Variants in CFAP47 observed in about 807,000 individuals in gnomAD.
The protein encoded by CFAP47 is cilia and flagella associated protein 47.
A neutral mutation model predicts 148.1 loss-of-function variants in CFAP47; 29 were observed. That is an observed-to-expected ratio of 0.20 (90% CI 0.15 to 0.27). The LOEUF (loss-of-function observed/expected upper bound fraction) is 0.27, where lower values mean the gene tolerates loss of function less well. Ranked by LOEUF, CFAP47 falls within the 10% of genes least tolerant of loss-of-function variation. The probability of loss-of-function intolerance (pLI) is 1.00; values close to 1 mark genes in which losing one functional copy is unlikely to be tolerated. For synonymous variants in CFAP47, 664 were observed against 577.3 expected, an observed-to-expected ratio of 1.15 and a Z score of -2.15; for missense variants, 1,872 against 1,697.5, an observed-to-expected ratio of 1.10 and a Z score of -1.81.
chrX:36,199,933 TA>T (rs1435956043), intron 42 of CFAP47, among the ~76,000 whole-genome samples: 1 of 111,745 alleles, frequency 8.9e-6, no homozygotes, highest in African/African-American at 3.2e-5. Flanking sequence ...TTATTTTTTC[TA>T]AAAAAAATTT....
At chrX:35,961,720 T>G (rs1254684538) in intron 8 of CFAP47, among the ~76,000 whole-genome samples, 2 of 111,276 alleles carry the variant, frequency 1.8e-5, no homozygotes, top group Non-Finnish European at 3.8e-5. Flanking sequence ...TTTTTTTGCT[T>G]ATTAAGTCTA....
intron 39 of CFAP47, among the ~76,000 whole-genome samples, chrX:36,175,966 G>A (rs1180420900): frequency 1.8e-5 from 2 of 112,647 alleles, no homozygotes; most frequent in Admixed American, 9.3e-5. Context: ...CGTGGGCGTA[G>A]GACCCTCCGA....
intron 19 of CFAP47, among the ~76,000 whole-genome samples, chrX:35,999,511 C>T (rs769120051): frequency 1.1e-4 from 12 of 111,760 alleles, no homozygotes; most frequent in Non-Finnish European, 1.7e-4. Flanking sequence ...AAATGAATCA[C>T]GCTAAGGTCC....
In CFAP47 at chrX:35,947,614, C is replaced by A. The variant is rs568003680; in HGVS notation, c.518-700C>A. ...ATGAGCAAATGTGGAGCAGAGTCAC[C>A]CAGCTGACCCACAGACCTGCAGTGA... On this transcript the variant is annotated intron_variant, in intron 3 of 63. Coordinates refer to ENST00000378653, the MANE Select transcript of CFAP47 (RefSeq NM_001304548.2). 6.7e-4 allele frequency among the ~76,000 whole-genome samples: 72 copies of A among 107,036 alleles called. No homozygotes were observed. In the South Asian group the frequency reaches 0.028, roughly 41 times the overall value. The allele number at this position is 107,036 out of a possible 115,157, so 92.9% of individuals were successfully genotyped here. A position where few individuals can be genotyped will look rare whatever the true frequency, so the allele number is the denominator to read the frequency against.
In CFAP47 at chrX:36,361,456, T is replaced by C. The variant is rs1556019226; in HGVS notation, c.8978T>C (p.Ile2993Thr). 1 of 1,089,823 alleles carries C rather than the reference T, an allele frequency of 9.2e-7. No homozygotes were observed. Among genetic ancestry groups the C allele is most frequent in the Admixed American group, 2.8e-5 (1 of 35,892 alleles). The allele number at this position is 1,089,823 out of a possible 1,213,427, so 89.8% of individuals were successfully genotyped here. Residue 2993 changes from isoleucine to threonine, a missense_variant, in exon 61 of 64, where the codon ATA (isoleucine) becomes ACA (threonine). By Grantham distance (89) the Ile-to-Thr change is moderately conservative. Coordinates refer to ENST00000378653, the MANE Select transcript of CFAP47 (RefSeq NM_001304548.2). Reference sequence around the variant, plus strand: ...TCTTATGATATTATGGCTAAAAGGATAACATTTATCTTCAATCTGGTATTC... The same window carrying C: ...TCTTATGATATTATGGCTAAAAGGACAACATTTATCTTCAATCTGGTATTC... The part of the protein sequence containing the change: ...EKSYDIMAKR[I>T]TFIFNLVFTP...
At chrX:36,062,602 T>A (rs1457712003) in intron 26 of CFAP47, among the ~76,000 whole-genome samples, 3 of 111,480 alleles carry the variant, frequency 2.7e-5, no homozygotes, top group Non-Finnish European at 5.7e-5. Flanking sequence ...GATGTACACA[T>A]GGTCTCCACA....
At position 36,037,023 on chromosome X, in the gene CFAP47, T is replaced by C. The variant is rs1237772391; in HGVS notation, c.3811+1169T>C. On this transcript the variant is annotated intron_variant, in intron 24 of 63. Transcript: ENST00000378653. ...TGAAAATATGATAGAAAATACCAAC[T>C]ATTCTTTGCATTCTGAAATTTGTTT... Among the ~76,000 whole-genome samples the C allele has an allele frequency of 2.7e-5, 3 of 112,376 alleles. No homozygotes were observed. The East Asian group carries it at 8.4e-4, about 31-fold the overall frequency.
At chrX:36,277,350 G>A (rs116156423) in intron 49 of CFAP47, among the ~76,000 whole-genome samples, 2,043 of 111,613 alleles carry the variant, frequency 0.018, 40 homozygotes, top group African/African-American at 0.062. Context: ...TAAATGTTAT[G>A]TCTTACAAGT....
intron 2 of CFAP47, among the ~76,000 whole-genome samples, chrX:35,940,065 A>C (rs1250035489): frequency 9.0e-6 from 1 of 110,832 alleles, no homozygotes; most frequent in Non-Finnish European, 1.9e-5. Context: ...GCATTTTTTC[A>C]TGTGTTTTTT....
chrX:36,152,986 C>A (rs1189504386), intron 37 of CFAP47, among the ~76,000 whole-genome samples: 1 of 111,036 alleles, frequency 9.0e-6, no homozygotes, highest in Non-Finnish European at 1.9e-5. Context: ...CCCCCAAAAT[C>A]TTAGCTCACT....
intron 35 of CFAP47, among the ~76,000 whole-genome samples, chrX:36,141,786 C>A (rs1939145923): frequency 9.4e-6 from 1 of 106,843 alleles, no homozygotes; most frequent in South Asian, 3.9e-4. Context: ...TTTGCTCAGC[C>A]ATTCTTGACC....
intron 33 of CFAP47, 91 bp downstream of exon 33, chrX:36,104,782 C>T: frequency 2.7e-6 from 1 of 367,923 alleles, no homozygotes; most frequent in East Asian, 4.3e-5. Flanking sequence ...AACTCAGAAT[C>T]CATGGATTCT....
chrX:36,042,470 C>G (rs1937417395), intron 25 of CFAP47, among the ~76,000 whole-genome samples: 1 of 110,645 alleles, frequency 9.0e-6, no homozygotes, highest in Non-Finnish European at 1.9e-5. Flanking sequence ...AACTTAAATA[C>G]TTAAAATTCA....
At chrX:35,923,840 TATATATGTGTGTATATATATATGTAC>T (rs2146607797) in intron 1 of CFAP47, among the ~76,000 whole-genome samples, 1 of 102,068 alleles carries the variant, frequency 9.8e-6, no homozygotes, top group South Asian at 4.3e-4. Context: ...TGTATATATA[TATATATGTGTGTATATATATATGTAC>T]ATATATGTAT....
intron 18 of CFAP47, among the ~76,000 whole-genome samples, chrX:35,994,547 A>G (rs1253599580): frequency 9.0e-6 from 1 of 111,521 alleles, no homozygotes; most frequent in Non-Finnish European, 1.9e-5. Context: ...ATAAAAACTG[A>G]TTTCCCCAAC....
rs7880450 is a variant in CFAP47 at position 36,275,726 on chromosome X, T to A, written c.7445-4761T>A. ...CTTCTAGAATGAGTTAGTAAGTGTT[T>A]CCTCCTCTTCAAATGTTTGGAGGTG... On this transcript the variant is annotated intron_variant, in intron 49 of 63. Transcript: ENST00000378653. Among the ~76,000 whole-genome samples the A allele has an allele frequency of 6.4e-3, 707 of 110,836 alleles. 1 individual carries two copies. The highest frequency in any genetic ancestry group is 0.022 in the African/African-American group (680 of 30,432).
intron 35 of CFAP47, among the ~76,000 whole-genome samples, chrX:36,141,076 T>TTA: frequency 9.4e-6 from 1 of 106,850 alleles, no homozygotes; most frequent in Non-Finnish European, 1.9e-5. Context: ...TTTTTTTTTT[T>TTA]AATCACTTGT....
At chrX:36,178,098 A>G (rs1939707515) in intron 39 of CFAP47, among the ~76,000 whole-genome samples, 1 of 111,765 alleles carries the variant, frequency 8.9e-6, no homozygotes, top group African/African-American at 3.3e-5. Flanking sequence ...ACCAATTACC[A>G]CATGTCCTTA....
chrX:36,184,929 G>A (rs782031806), intron 40 of CFAP47, among the ~76,000 whole-genome samples: 63 of 102,704 alleles, frequency 6.1e-4, no homozygotes, highest in Middle Eastern at 0.01. Context: ...GCAAAACTTC[G>A]TCTCAGAAAA....
Sources: gnomAD v4.1 joint callset for allele counts (sites outside exome capture counted in the v4.1 genomes callset) on GRCh38, gnomAD v4.1.1 for gene constraint, MANE v1.5 for transcripts, NCBI Gene and HGNC (gene_info 2026-07-23, HGNC 2026-07-21) for gene names.